PLEC: variants seen among roughly 807,000 people sequenced by gnomAD.
PLEC encodes the protein hemidesmosomal protein 1.
Under a neutral mutation model 392.8 loss-of-function variants are expected in PLEC, and 216 were observed. The observed-to-expected ratio is 0.55, with a 90% CI of 0.49 to 0.62. The LOEUF is 0.62. PLEC is among the 20% of genes least tolerant of loss of function. The probability of loss-of-function intolerance (pLI) is 0.00; values close to 1 mark genes in which losing one functional copy is unlikely to be tolerated. For synonymous variants in PLEC, 3,621 were observed against 2,980.6 expected, an observed-to-expected ratio of 1.21 and a Z score of -7.00; for missense variants, 6,863 against 6,563.4, an observed-to-expected ratio of 1.05 and a Z score of -1.58.
chr8:143,945,608 A>G (rs1371714452), intron 1 of PLEC, among the ~76,000 whole-genome samples: 1 of 152,200 alleles, frequency 6.6e-6, no homozygotes, highest in Non-Finnish European at 1.5e-5. Context: ...AAACCCCATG[A>G]AGTCCTATAC....
At position 143,916,709 on chromosome 8, in the gene PLEC, G is replaced by C; in HGVS notation, c.13112C>G (p.Ala4371Gly). ...GAGCCAGCCCTTCTTCAGGGCCTGG[G>C]CGGCCGACATCTTGGTCTTGGTGCG... ...DPRTKTKMSAAQALKKGWLYY... is the reference protein window; with the variant it reads ...DPRTKTKMSAGQALKKGWLYY... Residue 4371 changes from alanine to glycine, a missense_variant, in exon 32 of 32, where the codon GCC (alanine) becomes GGC (glycine). Physicochemically the swap from Ala to Gly is moderately conservative, Grantham distance 60 (BLOSUM62 0). Coordinates refer to ENST00000345136, the MANE Select transcript of PLEC (RefSeq NM_201384.3). 6.2e-7 allele frequency: 1 copy of C among 1,612,850 alleles called. No homozygotes were observed. The highest frequency in any genetic ancestry group is 8.5e-7 in the Non-Finnish European group (1 of 1,179,898).
chr8:143,918,206 T>G lies in PLEC; in HGVS notation c.11615A>C (p.Gln3872Pro), dbSNP rs1554674378. 6.3e-7 allele frequency: 1 copy of G among 1,581,794 alleles called. No homozygotes were observed. The highest frequency in any genetic ancestry group is 1.1e-5 in the South Asian group (1 of 89,578). Residue 3872 changes from glutamine (Q) to proline (P), a missense_variant, in exon 32 of 32, where the codon CAG becomes CCG. Coordinates refer to ENST00000345136, the MANE Select transcript of PLEC (RefSeq NM_201384.3). ...GGCGTCCGACAGTGGCAGGAGCAGCTGGCCGGTGCCGTCGTCACGACGGCA... is the reference window on the plus strand; with the variant it reads ...GGCGTCCGACAGTGGCAGGAGCAGCGGGCCGGTGCCGTCGTCACGACGGCA... Reference protein sequence around the residue: ...RRCRRDDGTGQLLLPLSDARK... With the variant: ...RRCRRDDGTGPLLLPLSDARK...
chr8:143,919,834 C>T lies in PLEC; in HGVS notation c.9987G>A (p.Glu3329=). The T allele has an allele frequency of 6.2e-7, 1 of 1,613,164 alleles. No homozygotes were observed. Among genetic ancestry groups the T allele is most frequent in the Non-Finnish European group, 8.5e-7 (1 of 1,180,050 alleles). Residue 3329 remains glutamate (E), a synonymous_variant, in exon 32 of 32, where the codon GAG becomes GAA. Coordinates refer to ENST00000345136, the MANE Select transcript of PLEC (RefSeq NM_201384.3). ...ASGVLSRAQF[E]QLKDGKTTVK... Reference sequence around the variant, plus strand: ...CCGTCGTCTTGCCGTCCTTGAGCTGCTCAAACTGGGCTCTGCTGAGGACCC... The same window carrying T: ...CCGTCGTCTTGCCGTCCTTGAGCTGTTCAAACTGGGCTCTGCTGAGGACCC...
In PLEC at chr8:143,932,697, C is replaced by T. The variant is rs368520468; in HGVS notation, c.1753G>A (p.Ala585Thr). The T allele has an allele frequency of 7.5e-6, 12 of 1,606,702 alleles. No homozygotes were observed. The highest frequency in any genetic ancestry group is 1.7e-5 in the Admixed American group (1 of 59,276). Reference protein sequence around the residue: ...ARSDEGQLSPATRGAYRDCLG... With the variant: ...ARSDEGQLSPTTRGAYRDCLG... ...CAGTCACGGTAGGCACCCCGGGTGG[C>T]GGGGGAGAGCTGGCCCTGCAACAGA... The change falls in exon 15 of 32, where the codon GCC (alanine) becomes ACC (threonine). Residue 585 changes from alanine (A) to threonine (T), a missense_variant. Coordinates refer to ENST00000345136, the MANE Select transcript of PLEC (RefSeq NM_201384.3).
chr8:143,931,806 C>T (rs367822966), intron 18 of PLEC, 131 bp downstream of exon 18: 7 of 1,446,388 alleles, frequency 4.8e-6, no homozygotes, highest in African/African-American at 1.4e-5. Context: ...TCCAAGGCCC[C>T]GGTCAGGCTG....
chr8:143,973,579 C>T, upstream of PLEC: 1 of 989,812 alleles, frequency 1.0e-6, no homozygotes, highest in African/African-American at 1.8e-5. This position sits in a 1 kb window ranked among gnomAD's most constrained non-coding sequence, Gnocchi z 5.6. Flanking sequence ...CGCCCCGCCC[C>T]CGCCCCGCCC....
chr8:143,934,109 G>A lies in PLEC; in HGVS notation c.1170-18C>T, dbSNP rs781940952. ...ACTCCAGCCTGCAGCAGCAGCACAGGGAAGGGGCCGCGTTGGCCGGGTCCG... is the reference window on the plus strand; with the variant it reads ...ACTCCAGCCTGCAGCAGCAGCACAGAGAAGGGGCCGCGTTGGCCGGGTCCG... On this transcript the variant is annotated intron_variant, in intron 11 of 31. Transcript: ENST00000345136. 1 of 1,609,254 alleles carries A rather than the reference G, an allele frequency of 6.2e-7. No homozygotes were observed. Among genetic ancestry groups the A allele is most frequent in the East Asian group, 2.2e-5 (1 of 44,536 alleles).
rs1376410969 is a variant in PLEC, at chr8:143,969,066, A to G, written c.70+4337T>C. On this transcript the variant is annotated intron_variant, in intron 1 of 31. Coordinates refer to the PLEC transcript ENST00000356346. This position sits in a 1 kb window ranked among gnomAD's most constrained non-coding sequence, Gnocchi z 5.1. ...CACAAAAACGTGTATGCAAACGTCC[A>G]TAGCAGCCTCACTCATAACAGCCAA... Among the ~76,000 whole-genome samples, 3 of 152,264 alleles carry G rather than the reference A, an allele frequency of 2.0e-5. No individual in the cohort carries two copies. Among genetic ancestry groups the G allele is most frequent in the Non-Finnish European group, 4.4e-5 (3 of 68,042 alleles).
At position 143,927,280 on chromosome 8, in the gene PLEC, A is replaced by C; in HGVS notation, c.3812T>G (p.Phe1271Cys). Residue 1271 changes from phenylalanine (F) to cysteine (C), a missense_variant, in exon 28 of 32, where the codon TTT (phenylalanine) becomes TGT (cysteine). Coordinates refer to ENST00000345136, the MANE Select transcript of PLEC (RefSeq NM_201384.3). ...GATGGCGTTGATGTACTGTTTCGCAAACCTCTGGCACTCCTCGACCTTCTC... is the reference window on the plus strand; with the variant it reads ...GATGGCGTTGATGTACTGTTTCGCACACCTCTGGCACTCCTCGACCTTCTC... ...HGEKVEECQRFAKQYINAIKD... is the reference protein window; with the variant it reads ...HGEKVEECQRCAKQYINAIKD... The C allele has an allele frequency of 6.2e-7, 1 of 1,613,320 alleles. No homozygotes were observed. The highest frequency in any genetic ancestry group is 8.5e-7 in the Non-Finnish European group (1 of 1,179,962).
At position 143,930,365 on chromosome 8, in the gene PLEC, A is replaced by C. The variant is rs1564109570; in HGVS notation, c.2457+19T>G. The stretch of plus-strand genomic sequence containing the variant: ...CCTGCCTGGCCACGCCCCCCAGTGG[A>C]CCCCCGGCCTGCGCTCACCTCCACC... On this transcript the variant is annotated intron_variant, in intron 20 of 31. Coordinates refer to ENST00000345136, the MANE Select transcript of PLEC (RefSeq NM_201384.3). The C allele has an allele frequency of 6.3e-7, 1 of 1,576,102 alleles. No homozygotes were observed. Among genetic ancestry groups the C allele is most frequent in the Non-Finnish European group, 8.6e-7 (1 of 1,166,160 alleles).
In PLEC at chr8:143,922,811, T is replaced by A. The variant is rs538700739; in HGVS notation, c.7118A>T (p.Gln2373Leu). The change falls in exon 31 of 32, where the codon CAG (glutamine) becomes CTG (leucine). Residue 2373 changes from glutamine to leucine, a missense_variant. By Grantham distance (113) the Gln-to-Leu change is moderately radical (BLOSUM62 -2). Transcript: ENST00000345136. ...GFQRTLEAERQRQLEMSAEAE... is the reference protein window; with the variant it reads ...GFQRTLEAERLRQLEMSAEAE... The stretch of plus-strand genomic sequence containing the variant: ...CTCAGCGCTCATCTCCAGCTGCCGC[T>A]GCCGCTCGGCCTCCAGCGTCCGCTG... 9 of 1,587,452 alleles carry A rather than the reference T, an allele frequency of 5.7e-6. No homozygotes were observed. The South Asian group carries it at 1.0e-4, about 18-fold the overall frequency.
At chr8:143,973,825 C>A (rs1833561734), upstream of PLEC, among the ~76,000 whole-genome samples, 1 of 151,952 alleles carries the variant, frequency 6.6e-6, no homozygotes, top group Non-Finnish European at 1.5e-5. The surrounding 1 kb of genome is among the most constrained non-coding windows in gnomAD (Gnocchi z 5.6). Flanking sequence ...GGGCCGGCGA[C>A]CTGCCTCCGA....
At position 143,920,481 on chromosome 8, in the gene PLEC, C is replaced by T. The variant is rs768376288; in HGVS notation, c.9340G>A (p.Val3114Ile). The T allele has an allele frequency of 2.7e-5, 44 of 1,605,510 alleles. No individual in the cohort carries two copies. Among genetic ancestry groups the T allele is most frequent in the Non-Finnish European group, 3.7e-5 (43 of 1,176,288 alleles). ...GYRDPYTGQS[V>I]SLFQALKKGL... ...TTCTTCAGGGCCTGGAACAGGGAGA[C>T]GCTCTGCCCTGTGTAGGGGTCCCTG... The change falls in exon 32 of 32, where the codon GTC (valine) becomes ATC (isoleucine). Residue 3114 changes from valine to isoleucine, a missense_variant. By Grantham distance (29) the Val-to-Ile change is conservative. Coordinates refer to ENST00000345136, the MANE Select transcript of PLEC (RefSeq NM_201384.3).
chr8:143,920,905 A>G lies in PLEC; in HGVS notation c.8916T>C (p.Leu2972=). 1 of 1,612,332 alleles carries G rather than the reference A, an allele frequency of 6.2e-7. No individual in the cohort carries two copies. Among genetic ancestry groups the G allele is most frequent in the Non-Finnish European group, 8.5e-7 (1 of 1,179,990 alleles). ...VVEEQEQKGR[L]CFEGLRSLVP... Reference sequence around the variant, plus strand: ...CCAGGCTGCGCAGGCCCTCAAAGCAAAGCCGGCCCTTCTGCTCCTGCTCCT... The same window carrying G: ...CCAGGCTGCGCAGGCCCTCAAAGCAGAGCCGGCCCTTCTGCTCCTGCTCCT... The change falls in exon 32 of 32, where the codon CTT becomes CTC. Residue 2972 remains leucine (L), a synonymous_variant. Transcript: ENST00000345136.
intron 31 of PLEC, 37 bp downstream of exon 31, chr8:143,922,466 CG>C (rs1564005968): frequency 2.5e-6 from 4 of 1,602,012 alleles, no homozygotes; most frequent in African/African-American, 1.3e-5. Context: ...AGCAGATCCC[CG>C]GGCCCACCCG....
upstream of PLEC, among the ~76,000 whole-genome samples, chr8:143,952,568 C>A (rs1312107792): frequency 2.0e-5 from 3 of 152,062 alleles, no homozygotes; most frequent in African/African-American, 7.2e-5. Context: ...CCCCCCCACA[C>A]TGACCTCCTG....
intron 3 of PLEC, chr8:143,937,738 C>T (rs1270219775): frequency 4.0e-6 from 2 of 494,998 alleles, no homozygotes; most frequent in Non-Finnish European, 7.9e-6. Context: ...CCGGCAGGCA[C>T]AGCCACTCAC....
At position 143,934,908 on chromosome 8, in the gene PLEC, C is replaced by T. The variant is rs1190733471; in HGVS notation, c.847G>A (p.Glu283Lys). Reference protein sequence around the residue: ...RANELQLRWQEYRELVLLLLQ... With the variant: ...RANELQLRWQKYRELVLLLLQ... ...AGCAGCAGCACCAGCTCCCGGTACT[C>T]CTGCCAGCGCAGCTGCAGCTCCTGC... is the stretch of plus-strand genomic sequence containing the variant. The change falls in exon 9 of 32, where the codon GAG (glutamate) becomes AAG (lysine). Residue 283 changes from glutamate (E) to lysine (K), a missense_variant. Physicochemically the swap from Glu to Lys is moderately conservative, Grantham distance 56. Transcript: ENST00000345136. The T allele has an allele frequency of 1.2e-6, 2 of 1,611,222 alleles. No individual in the cohort carries two copies. The highest frequency in any genetic ancestry group is 1.7e-6 in the Non-Finnish European group (2 of 1,179,762).
chr8:143,955,731 T>C (rs1253199393), upstream of PLEC, among the ~76,000 whole-genome samples: 8 of 151,284 alleles, frequency 5.3e-5, no homozygotes, highest in Admixed American at 2.6e-4. Context: ...TTCTGAGTAG[T>C]TGGGACTACA....
Sources: allele counts gnomAD v4.1 joint callset (sites outside exome capture counted in the v4.1 genomes callset), GRCh38; gene constraint gnomAD v4.1.1; non-coding constraint Gnocchi (gnomAD v3.1); transcripts MANE v1.5; gene names NCBI Gene and HGNC (gene_info 2026-07-23, HGNC 2026-07-21).